The following LRP1B variants were observed in gnomAD, a reference collection of about 807,000 sequenced individuals.
The protein encoded by LRP1B is LDL receptor related protein 1B.
Under a neutral mutation model 556.6 loss-of-function variants are expected in LRP1B, and 217 were observed. The ratio of observed to expected loss-of-function variants is 0.39; its 90% CI spans 0.35 to 0.44. LRP1B has a LOEUF of 0.44. Ranked by LOEUF, LRP1B falls within the 20% of genes least tolerant of loss-of-function variation. The pLI is 1.00. For missense variants in LRP1B, 5,053 were observed against 5,620.8 expected (o/e 0.90, Z 3.23); for synonymous variants, 2,047 against 1,865.8 (o/e 1.10, Z -2.50).
intron 2 of LRP1B, among the ~76,000 whole-genome samples, chr2:141,524,912 T>A (rs1684645166): frequency 6.6e-6 from 1 of 152,116 alleles, no homozygotes; most frequent in Non-Finnish European, 1.5e-5. Flanking sequence ...ATTATTATTT[T>A]GTTTTATAAA....
At chr2:141,727,274 C>T (rs1383374493) in intron 2 of LRP1B, among the ~76,000 whole-genome samples, 1 of 152,132 alleles carries the variant, frequency 6.6e-6, no homozygotes, top group Non-Finnish European at 1.5e-5. Flanking sequence ...CTCTCCATTT[C>T]ACAGATGACG....
At chr2:141,053,828 A>ATGTG (rs59661474) in intron 10 of LRP1B, among the ~76,000 whole-genome samples, 39,523 of 149,986 alleles carry the variant, frequency 0.26, 5,334 homozygotes, top group East Asian at 0.35. Context: ...GTGTGTATAT[A>ATGTG]TGTGTGTGTG....
At chr2:140,872,847 A>T (rs1693181611) in intron 25 of LRP1B, among the ~76,000 whole-genome samples, 1 of 151,940 alleles carries the variant, frequency 6.6e-6, no homozygotes, top group African/African-American at 2.4e-5. Flanking sequence ...AAAGTCTAAG[A>T]CAAGAAAAAA....
chr2:140,830,057 T>C (rs551047799), intron 31 of LRP1B, among the ~76,000 whole-genome samples: 1 of 151,616 alleles, frequency 6.6e-6, no homozygotes, highest in South Asian at 2.1e-4. Flanking sequence ...GACTGAACCA[T>C]GAAGAAATAG....
intron 3 of LRP1B, among the ~76,000 whole-genome samples, chr2:141,404,616 T>C (rs1450205513): frequency 6.6e-6 from 1 of 152,324 alleles, no homozygotes; most frequent in East Asian, 1.9e-4. Flanking sequence ...ATACATTTGG[T>C]TCAATATATT....
chr2:140,452,961 G>GTT (rs5834746), intron 62 of LRP1B, among the ~76,000 whole-genome samples: 3,483 of 126,598 alleles, frequency 0.028, 125 homozygotes, highest in African/African-American at 0.07. Context: ...GTGTGTGTGT[G>GTT]TTTTTTTTTT....
At chr2:140,532,013 T>G (rs115034304) in intron 47 of LRP1B, among the ~76,000 whole-genome samples, 2 of 152,092 alleles carry the variant, frequency 1.3e-5, no homozygotes, top group Non-Finnish European at 2.9e-5. Context: ...CCTCTGAGTT[T>G]TTCTCCTTAA....
chr2:141,884,439 A>C (rs1037550988), intron 1 of LRP1B, among the ~76,000 whole-genome samples: 2 of 152,158 alleles, frequency 1.3e-5, no homozygotes, highest in African/African-American at 4.8e-5. Flanking sequence ...GAAATGTTAA[A>C]GATCTAAAGA....
At chr2:141,151,144 T>C (rs1321919741) in intron 7 of LRP1B, among the ~76,000 whole-genome samples, 1 of 152,166 alleles carries the variant, frequency 6.6e-6, no homozygotes, top group African/African-American at 2.4e-5. Flanking sequence ...CTTAAAATAA[T>C]GGTTTATTTC....
intron 2 of LRP1B, among the ~76,000 whole-genome samples, chr2:141,573,921 C>A (rs1245978728): frequency 2.6e-5 from 4 of 151,952 alleles, no homozygotes; most frequent in African/African-American, 7.2e-5. Context: ...CTGAATAGAC[C>A]AAAAACAAGT....
chr2:141,930,778 A>C (rs1700478333), intron 1 of LRP1B, among the ~76,000 whole-genome samples: 1 of 152,096 alleles, frequency 6.6e-6, no homozygotes, highest in African/African-American at 2.4e-5. Context: ...TTCAAGGCCA[A>C]ACTCTCACTT....
At chr2:140,537,429 G>A (rs1679959753) in intron 45 of LRP1B, among the ~76,000 whole-genome samples, 1 of 151,768 alleles carries the variant, frequency 6.6e-6, no homozygotes, top group South Asian at 2.1e-4. Context: ...CCCACCGTCT[G>A]GTCTTCCTCC....
At chr2:140,580,167 T>C (rs1255039907) in intron 43 of LRP1B, among the ~76,000 whole-genome samples, 1 of 152,214 alleles carries the variant, frequency 6.6e-6, no homozygotes, top group Non-Finnish European at 1.5e-5. Context: ...TGTCTTGTGT[T>C]TCTGCAATAT....
At chr2:140,757,377 C>A (rs1399133433) in intron 35 of LRP1B, among the ~76,000 whole-genome samples, 2 of 152,092 alleles carry the variant, frequency 1.3e-5, no homozygotes, top group Non-Finnish European at 2.9e-5. Flanking sequence ...TAATAGTCAA[C>A]AAAGTGGAAA....
chr2:141,249,937 C>G (rs918762169), intron 4 of LRP1B, among the ~76,000 whole-genome samples: 2 of 152,044 alleles, frequency 1.3e-5, no homozygotes, highest in African/African-American at 2.4e-5. Flanking sequence ...GACCTATTAA[C>G]AGAGTTTTGT....
intron 3 of LRP1B, among the ~76,000 whole-genome samples, chr2:141,388,910 G>GA (rs1689946077): frequency 1.3e-5 from 2 of 151,862 alleles, no homozygotes; most frequent in Admixed American, 6.6e-5. Context: ...TCATCCAAAA[G>GA]AAAAAAATAA....
intron 2 of LRP1B, among the ~76,000 whole-genome samples, chr2:141,642,857 T>C (rs1574183011): frequency 6.6e-6 from 1 of 152,186 alleles, no homozygotes; most frequent in East Asian, 1.9e-4. Flanking sequence ...TTGTAGCGAG[T>C]CTTTTTTACC....
chr2:140,772,135 G>C (rs1205071243), intron 33 of LRP1B, among the ~76,000 whole-genome samples: 9 of 151,988 alleles, frequency 5.9e-5, no homozygotes, highest in Non-Finnish European at 1.2e-4. Context: ...CCATTATATG[G>C]CCCTGAACTT....
At chr2:140,256,453 T>A (rs1180581909) in intron 86 of LRP1B, among the ~76,000 whole-genome samples, 1 of 9,122 alleles carries the variant, frequency 1.1e-4, no homozygotes, top group African/African-American at 6.5e-4. Context: ...TCCTTCCTTT[T>A]TTTTTTTTTT....
Sources: allele counts gnomAD v4.1 joint callset (sites outside exome capture counted in the v4.1 genomes callset), GRCh38; gene constraint gnomAD v4.1.1; transcripts MANE v1.5; gene names NCBI Gene and HGNC (gene_info 2026-07-23, HGNC 2026-07-21).